The following TTC28 variants were observed in gnomAD, a reference collection of about 807,000 sequenced individuals.
The protein encoded by TTC28 is tetratricopeptide repeat domain 28, also known as tetratricopeptide repeat protein 28.
In TTC28, 61 loss-of-function variants were observed where a neutral mutation model predicts 198.0. The ratio of observed to expected loss-of-function variants is 0.31; its 90% CI spans 0.25 to 0.38. TTC28 has a LOEUF of 0.38. TTC28 is among the 10% of genes least tolerant of loss of function. The pLI, the probability that TTC28 is intolerant of heterozygous loss-of-function variation, is 1.00. For missense variants in TTC28, 2,678 were observed against 3,164.0 expected, an observed-to-expected ratio of 0.85 and a Z score of 3.69; for synonymous variants, 1,171 against 1,297.8, an observed-to-expected ratio of 0.90 and a Z score of 2.10.
intron 12 of TTC28, among the ~76,000 whole-genome samples, chr22:28,038,115 G>T (rs112997979): frequency 3.9e-5 from 6 of 151,996 alleles, no homozygotes; most frequent in South Asian, 2.1e-4. Flanking sequence ...ATAGATTCAA[G>T]GCCATCCCCA....
chr22:28,651,311 C>CTTTTTTTTTTTTTTTTTTTTTTT (rs111469498), intron 1 of TTC28, among the ~76,000 whole-genome samples: 4 of 147,452 alleles, frequency 2.7e-5, no homozygotes, highest in Admixed American at 6.7e-5. Context: ...TCTGTCACTC[C>CTTTTTTTTTTTTTTTTTTTTTTT]TTTTTTTTGA....
rs1166960995 is a variant in TTC28, at chr22:28,213,584, AC to A, written c.934-49986del. On this transcript the variant is annotated intron_variant, in intron 5 of 22. Transcript: ENST00000397906. ...ATCCAACTTACAAGGGATGTGAAGG[AC>A]CTCTTCAAGGAGAACTACAAACCAC... Among the ~76,000 whole-genome samples the A allele has an allele frequency of 2.6e-5, 3 of 116,366 alleles. No homozygotes were observed. In the East Asian group the frequency reaches 7.2e-4, roughly 28 times the overall value. The allele number at this position is 116,366 out of a possible 152,430, so 76.3% of individuals were successfully genotyped here.
intron 1 of TTC28, among the ~76,000 whole-genome samples, chr22:28,636,282 T>C (rs934003813): frequency 1.6e-4 from 24 of 151,896 alleles, no homozygotes; most frequent in African/African-American, 5.5e-4. Context: ...CCCACCACCA[T>C]GTCCGGCTAA....
chr22:28,431,720 G>C (rs1013744398), intron 2 of TTC28, among the ~76,000 whole-genome samples: 1 of 152,220 alleles, frequency 6.6e-6, no homozygotes, highest in Non-Finnish European at 1.5e-5. Flanking sequence ...CCGCACGCCT[G>C]TAATCCCAGC....
chr22:28,629,484 T>C, intron 2 of TTC28, 68 bp downstream of exon 2: 1 of 1,405,750 alleles, frequency 7.1e-7, no homozygotes, highest in South Asian at 1.5e-5. Flanking sequence ...AACAAAATAT[T>C]ACATTAAAGT....
At chr22:28,209,827 C>G (rs1358915697) in intron 5 of TTC28, among the ~76,000 whole-genome samples, 1 of 152,184 alleles carries the variant, frequency 6.6e-6, no homozygotes, top group Non-Finnish European at 1.5e-5. Flanking sequence ...TGAAAACACA[C>G]AGACTGCCTC....
intron 12 of TTC28, among the ~76,000 whole-genome samples, chr22:28,039,686 G>A (rs1317547850): frequency 6.6e-6 from 1 of 151,978 alleles, no homozygotes; most frequent in Non-Finnish European, 1.5e-5. Flanking sequence ...AACTAGAGAA[G>A]GAAGAGCAAA....
At chr22:28,412,025 C>T (rs991994052) in intron 2 of TTC28, among the ~76,000 whole-genome samples, 55 of 152,286 alleles carry the variant, frequency 3.6e-4, no homozygotes, top group African/African-American at 1.3e-3. Context: ...AAGTAATGAA[C>T]AAAGAATAGT....
intron 2 of TTC28, among the ~76,000 whole-genome samples, chr22:28,522,041 T>C (rs528283819): frequency 8.5e-5 from 13 of 152,206 alleles, no homozygotes; most frequent in Non-Finnish European, 1.8e-4. Flanking sequence ...CCAGAGCTTT[T>C]ATACACAATG....
chr22:28,165,267 CAGG>C (rs1921790415), intron 5 of TTC28, among the ~76,000 whole-genome samples: 1 of 152,176 alleles, frequency 6.6e-6, no homozygotes, highest in African/African-American at 2.4e-5. Flanking sequence ...GGGTATTATC[CAGG>C]AGAACTTCTC....
At chr22:27,993,822 C>CACACAGGTCAGGGGCCTG (rs1438477259) in intron 17 of TTC28, among the ~76,000 whole-genome samples, 1 of 152,212 alleles carries the variant, frequency 6.6e-6, no homozygotes, top group Non-Finnish European at 1.5e-5. Context: ...TGTGTCTGAA[C>CACACAGGTCAGGGGCCTG]ACACAGGTCA....
At chr22:28,318,809 ATTC>A (rs2045396352) in intron 2 of TTC28, among the ~76,000 whole-genome samples, 1 of 108,258 alleles carries the variant, frequency 9.2e-6, no homozygotes, top group African/African-American at 3.6e-5. Context: ...TGGGAAGTGT[ATTC>A]TTTTTTTTTT....
At chr22:28,021,618 C>T (rs1938602795) in intron 13 of TTC28, among the ~76,000 whole-genome samples, 1 of 152,134 alleles carries the variant, frequency 6.6e-6, no homozygotes, top group Admixed American at 6.5e-5. Context: ...CAAGCAAGGC[C>T]CGATAGCAGC....
chr22:28,343,529 C>CA (rs35941888), intron 2 of TTC28, among the ~76,000 whole-genome samples: 77,255 of 134,544 alleles, frequency 0.57, 21,290 homozygotes, highest in South Asian at 0.72. Flanking sequence ...GACTCTGTCT[C>CA]AAAAAAAAAA....
intron 13 of TTC28, among the ~76,000 whole-genome samples, chr22:28,026,393 C>T (rs1284410302): frequency 1.3e-5 from 2 of 152,172 alleles, no homozygotes; most frequent in African/African-American, 4.8e-5. Context: ...AGGACACACA[C>T]ACACACCCGT....
intron 5 of TTC28, among the ~76,000 whole-genome samples, chr22:28,180,161 A>G (rs1923564045): frequency 6.6e-6 from 1 of 152,210 alleles, no homozygotes; most frequent in African/African-American, 2.4e-5. Context: ...TTAGTCTTAA[A>G]TGATATATAC....
intron 12 of TTC28, among the ~76,000 whole-genome samples, chr22:28,069,803 T>G (rs553872126): frequency 1.1e-4 from 16 of 152,232 alleles, no homozygotes; most frequent in African/African-American, 3.1e-4. Flanking sequence ...GTCCTTACTA[T>G]AAGCTCCACG....
chr22:28,628,797 G>A (rs181759710), intron 2 of TTC28, among the ~76,000 whole-genome samples: 7 of 151,932 alleles, frequency 4.6e-5, no homozygotes, highest in East Asian at 1.9e-4. Flanking sequence ...AAAATTAGCC[G>A]GGCATGATGG....
chr22:28,652,370 T>G (rs1327081517), intron 1 of TTC28, among the ~76,000 whole-genome samples: 1 of 152,226 alleles, frequency 6.6e-6, no homozygotes, highest in Non-Finnish European at 1.5e-5. Context: ...AAGCTTATGC[T>G]GGTTAATCAA....
Sources: gnomAD v4.1 joint callset for allele counts (sites outside exome capture counted in the v4.1 genomes callset) on GRCh38, gnomAD v4.1.1 for gene constraint, MANE v1.5 for transcripts, NCBI Gene and HGNC (gene_info 2026-07-23, HGNC 2026-07-21) for gene names.